AP3B1: variants seen among roughly 807,000 people sequenced by gnomAD.
AP3B1 encodes the protein AP-3 complex subunit beta-1.
AP3B1 carries 61 observed loss-of-function variants against 132.5 expected under a neutral mutation model. The observed-to-expected ratio is 0.46, with a 90% confidence interval of 0.37 to 0.57. AP3B1 has a LOEUF of 0.57. Ranked by LOEUF, AP3B1 falls within the 20% of genes least tolerant of loss-of-function variation. The probability of loss-of-function intolerance (pLI) is 0.00; values close to 1 mark genes in which losing one functional copy is unlikely to be tolerated. For synonymous variants in AP3B1, 388 were observed against 438.3 expected, an observed-to-expected ratio of 0.89 and a Z score of 1.43; for missense variants, 1,120 against 1,289.4, an observed-to-expected ratio of 0.87 and a Z score of 2.01.
rs377153002 is a variant in AP3B1 at position 78,196,180 on chromosome 5, CAAT to C, written c.787-14521_787-14519del. On this transcript the variant is annotated intron_variant, in intron 7 of 26. Coordinates refer to ENST00000255194, the MANE Select transcript of AP3B1 (RefSeq NM_003664.5). ...TATACAAAGAGTTCCTAAAATTCAA[CAAT>C]AACAGCCCAATTTTTTAAAAATGGG... Among the ~76,000 whole-genome samples, 110 of 152,204 alleles carry C rather than the reference CAAT, an allele frequency of 7.2e-4. 4 individuals carry two copies. Among genetic ancestry groups the C allele is most frequent in the African/African-American group, 1.9e-3 (80 of 41,538 alleles).
At chr5:78,060,476 C>T (rs564073472) in intron 22 of AP3B1, among the ~76,000 whole-genome samples, 15 of 152,186 alleles carry the variant, frequency 9.9e-5, no homozygotes, top group African/African-American at 3.6e-4. Context: ...AGAAGGCATG[C>T]ACATTATAAT....
intron 5 of AP3B1, among the ~76,000 whole-genome samples, chr5:78,225,940 A>G (rs1235462755): frequency 6.6e-6 from 1 of 152,062 alleles, no homozygotes; most frequent in African/African-American, 2.4e-5. Context: ...ACTGGGAGGA[A>G]AAAAATAACT....
At chr5:78,056,542 C>T (rs1748822550) in intron 22 of AP3B1, among the ~76,000 whole-genome samples, 1 of 152,136 alleles carries the variant, frequency 6.6e-6, no homozygotes, top group East Asian at 1.9e-4. Context: ...GCTTTTATAA[C>T]AACATTGCTG....
chr5:78,133,386 C>T (rs1244873325), intron 15 of AP3B1, among the ~76,000 whole-genome samples: 1 of 152,216 alleles, frequency 6.6e-6, no homozygotes, highest in African/African-American at 2.4e-5. Context: ...CTGTTCACTG[C>T]ACTTGTGTCT....
At chr5:78,164,169 T>C (rs1743514087) in intron 12 of AP3B1, among the ~76,000 whole-genome samples, 1 of 152,034 alleles carries the variant, frequency 6.6e-6, no homozygotes, top group Admixed American at 6.6e-5. Context: ...AAATATGAAC[T>C]TATGAGTCTT....
chr5:78,139,038 GAAAAAAA>G (rs11288219), intron 15 of AP3B1, among the ~76,000 whole-genome samples: 2 of 93,304 alleles, frequency 2.1e-5, no homozygotes, highest in African/African-American at 7.6e-5. Flanking sequence ...TAGAGATCAA[GAAAAAAA>G]AAAAAAAAAC....
chr5:78,038,694 A>G (rs1456260699), intron 23 of AP3B1, among the ~76,000 whole-genome samples: 4 of 152,196 alleles, frequency 2.6e-5, no homozygotes, highest in Non-Finnish European at 4.4e-5. Flanking sequence ...AATACACAAT[A>G]AACCACTTAA....
intron 1 of AP3B1, among the ~76,000 whole-genome samples, chr5:78,293,613 G>C (rs916247525): frequency 7.2e-5 from 11 of 152,156 alleles, no homozygotes; most frequent in African/African-American, 2.4e-4. Flanking sequence ...TGAATTTAGT[G>C]ACAGACTATT....
At chr5:78,278,917 G>A (rs1220196770) in intron 1 of AP3B1, among the ~76,000 whole-genome samples, 1 of 152,074 alleles carries the variant, frequency 6.6e-6, no homozygotes, top group African/African-American at 2.4e-5. Context: ...AGGTGGAATA[G>A]TCTCATCCCC....
At chr5:78,183,022 C>T (rs1473340365) in intron 7 of AP3B1, among the ~76,000 whole-genome samples, 1 of 152,200 alleles carries the variant, frequency 6.6e-6, no homozygotes, top group South Asian at 2.1e-4. Context: ...TCAGGACTTG[C>T]AGCACCACAC....
At chr5:78,175,604 T>C in intron 11 of AP3B1, 22 bp downstream of exon 11, 2 of 1,596,214 alleles carry the variant, frequency 1.3e-6, no homozygotes, top group Non-Finnish European at 1.7e-6. Context: ...TAAAAGCCTC[T>C]GAAAAATGAA....
intron 17 of AP3B1, among the ~76,000 whole-genome samples, chr5:78,121,480 CA>C (rs1752191185): frequency 6.6e-6 from 1 of 152,054 alleles, no homozygotes; most frequent in African/African-American, 2.4e-5. Flanking sequence ...AGAGAAGAAT[CA>C]AATAGATGCA....
rs529713480 is a variant in AP3B1, at chr5:78,027,474, T to A, written c.2895-6685A>T. Among the ~76,000 whole-genome samples the A allele has an allele frequency of 3.9e-5, 6 of 152,192 alleles. No individual in the cohort carries two copies. In the East Asian group the frequency reaches 7.7e-4, roughly 20 times the overall value. On this transcript the variant is annotated intron_variant, in intron 24 of 26. Transcript: ENST00000255194. ...TTCTTGTGGCTTTAAGGAATATTTT[T>A]AAATTATTATAGAGAAAGACTTTTT...
intron 1 of AP3B1, among the ~76,000 whole-genome samples, chr5:78,273,313 G>C (rs956257206): frequency 6.6e-6 from 1 of 152,200 alleles, no homozygotes; most frequent in African/African-American, 2.4e-5. Context: ...CACGGTGGGA[G>C]AATCTTGAGC....
chr5:78,230,062 A>G (rs899310441), intron 3 of AP3B1, among the ~76,000 whole-genome samples: 2 of 152,212 alleles, frequency 1.3e-5, no homozygotes, highest in African/African-American at 2.4e-5. Flanking sequence ...AACAAACTAG[A>G]TAAGAACTTG....
At chr5:78,294,108 G>A (rs1306300761) in intron 1 of AP3B1, among the ~76,000 whole-genome samples, 1 of 152,122 alleles carries the variant, frequency 6.6e-6, no homozygotes, top group Non-Finnish European at 1.5e-5. Flanking sequence ...TCCGGCGAAC[G>A]GTAAATAAAC....
intron 2 of AP3B1, among the ~76,000 whole-genome samples, chr5:78,243,264 G>A (rs192095311): frequency 4.1e-4 from 62 of 151,520 alleles, no homozygotes; most frequent in Admixed American, 1.2e-3. Flanking sequence ...ATGTTCTGTA[G>A]GACCCCTGCC....
intron 14 of AP3B1, among the ~76,000 whole-genome samples, chr5:78,149,228 CAGAT>C (rs1362446828): frequency 2.0e-5 from 3 of 152,192 alleles, no homozygotes; most frequent in Admixed American, 1.3e-4. Context: ...AATTTTTAAA[CAGAT>C]AGATTATAAA....
At chr5:78,061,700 T>A (rs1357098566) in intron 22 of AP3B1, among the ~76,000 whole-genome samples, 1 of 152,226 alleles carries the variant, frequency 6.6e-6, no homozygotes. Flanking sequence ...AGCTTCCAAC[T>A]GCATATTATC....
Sources: allele counts gnomAD v4.1 joint callset (sites outside exome capture counted in the v4.1 genomes callset), GRCh38; gene constraint gnomAD v4.1.1; transcripts MANE v1.5; gene names NCBI Gene and HGNC (gene_info 2026-07-23, HGNC 2026-07-21).